The following TLL1 variants were observed in gnomAD, a reference collection of about 807,000 sequenced individuals.
TLL1 encodes the protein tolloid like 1, also known as tolloid-like protein 1.
TLL1 carries 49 observed loss-of-function variants against 128.2 expected under a neutral mutation model. That is an observed-to-expected ratio of 0.38 (90% CI 0.30 to 0.48). TLL1 has a LOEUF of 0.48. Among genes scored for constraint, TLL1 ranks in the 20% least tolerant of loss-of-function variants. The pLI is 0.96. For missense variants in TLL1, 1,123 were observed against 1,242.0 expected (o/e 0.90, Z 1.44); for synonymous variants, 454 against 418.8 (o/e 1.08, Z -1.03).
chr4:165,924,776 G>C (rs532734433), intron 1 of TLL1, among the ~76,000 whole-genome samples: 2 of 152,154 alleles, frequency 1.3e-5, no homozygotes, highest in South Asian at 4.1e-4. Flanking sequence ...GCATGACTTC[G>C]AAGCTTCAAA....
At chr4:166,044,328 A>C (rs1378318244) in intron 12 of TLL1, 1 of 1,526,244 alleles carries the variant, frequency 6.6e-7, no homozygotes, top group Non-Finnish European at 8.8e-7. Context: ...TACTGAGGGC[A>C]GTGACCGTGG....
chr4:165,912,886 A>G (rs1405818989), intron 1 of TLL1, among the ~76,000 whole-genome samples: 1 of 127,974 alleles, frequency 7.8e-6, no homozygotes, highest in East Asian at 3.1e-4. Flanking sequence ...ATCTTACCAT[A>G]GAAAGAAAAA....
At chr4:166,047,366 A>T (rs903383582) in intron 12 of TLL1, among the ~76,000 whole-genome samples, 1 of 151,556 alleles carries the variant, frequency 6.6e-6, no homozygotes, top group South Asian at 2.1e-4. Context: ...GGGTTTCACC[A>T]TGTTAGCCAG....
At chr4:165,947,082 C>T (rs1734284711) in intron 1 of TLL1, among the ~76,000 whole-genome samples, 3 of 152,072 alleles carry the variant, frequency 2.0e-5, no homozygotes, top group African/African-American at 7.2e-5. Context: ...ATTTATTCTT[C>T]ACAGTTCTGG....
intron 9 of TLL1, among the ~76,000 whole-genome samples, chr4:166,029,477 T>C (rs1246667055): frequency 6.6e-6 from 1 of 152,072 alleles, no homozygotes; most frequent in Admixed American, 6.6e-5. Flanking sequence ...ATTTTTGTTA[T>C]TTATTGTGGT....
rs531216999 is a variant in TLL1, at chr4:165,993,278, C to T, written c.361+394C>T. ...TAAAGTAAAATGAAAAACTTATTAC[C>T]GGATTTAAAAAGTTAAAATGTTTTG... On this transcript the variant is annotated intron_variant, in intron 3 of 20. Coordinates refer to ENST00000061240, the MANE Select transcript of TLL1 (RefSeq NM_012464.5). Among the ~76,000 whole-genome samples the T allele has an allele frequency of 1.1e-4, 17 of 150,922 alleles. No homozygotes were observed. The East Asian group carries it at 1.2e-3, about 10-fold the overall frequency.
intron 1 of TLL1, among the ~76,000 whole-genome samples, chr4:165,953,918 T>A (rs555958805): frequency 2.0e-5 from 3 of 152,214 alleles, no homozygotes; most frequent in Admixed American, 6.6e-5. Flanking sequence ...TAATATTTTC[T>A]TATATTTTTA....
At chr4:166,095,566 A>G (rs1308133677) in intron 19 of TLL1, among the ~76,000 whole-genome samples, 1 of 152,122 alleles carries the variant, frequency 6.6e-6, no homozygotes, top group Non-Finnish European at 1.5e-5. Context: ...TGTCAATGAC[A>G]TTCAAAAATA....
chr4:166,099,515 C>A lies in TLL1; in HGVS notation c.2895C>A (p.Phe965Leu), dbSNP rs1490705887. ...CAACAGCTGTGGGGCTTGGTCGATT[C>A]TGTGGATCCGGGGTAAATATACCAC... ...LDSTAVGLGR[F>L]CGSGPPEEIY... is the part of the protein sequence containing the mutation. The change falls in exon 20 of 21, where the codon TTC becomes TTA. Residue 965 changes from phenylalanine to leucine, a missense_variant. Phe to Leu is a conservative substitution (Grantham distance 22). Around this residue, in one of 3 missense-constraint regions of TLL1, gnomAD observed 634 missense variants for 672.4 expected, o/e 0.94. Transcript: ENST00000061240. 1.2e-6 allele frequency: 2 copies of A among 1,612,564 alleles called. No homozygotes were observed. Among genetic ancestry groups the A allele is most frequent in the East Asian group, 2.2e-5 (1 of 44,740 alleles).
chr4:166,052,844 T>C (rs1236515041), intron 12 of TLL1, among the ~76,000 whole-genome samples: 3 of 151,604 alleles, frequency 2.0e-5, no homozygotes, highest in Admixed American at 2.0e-4. Flanking sequence ...ATCTGAGATA[T>C]TATTTTCTGT....
chr4:165,900,575 T>C (rs1285756119), intron 1 of TLL1, among the ~76,000 whole-genome samples: 1 of 152,262 alleles, frequency 6.6e-6, no homozygotes, highest in East Asian at 1.9e-4. Flanking sequence ...TACTCTCTTC[T>C]GGCTTGCAGG....
rs528616323 is a variant in TLL1, at chr4:165,974,527, G to C, written c.170-14854G>C. Among the ~76,000 whole-genome samples the C allele has an allele frequency of 2.6e-5, 4 of 152,000 alleles. No individual in the cohort carries two copies. The East Asian group carries it at 7.7e-4, about 29-fold the overall frequency. On this transcript the variant is annotated intron_variant, in intron 1 of 20. Transcript: ENST00000061240. ...GAAGGTTATCTGGCTTTCACTCATA[G>C]CTTTTAATGATTCATTAATTGTGAC...
At chr4:166,042,854 A>G (rs1437008949) in intron 11 of TLL1, among the ~76,000 whole-genome samples, 1 of 152,198 alleles carries the variant, frequency 6.6e-6, no homozygotes, top group Non-Finnish European at 1.5e-5. Context: ...CGCACATGAC[A>G]CTAACTCGCT....
intron 20 of TLL1, 107 bp downstream of exon 20, chr4:166,099,634 A>G (rs1742200527): frequency 6.1e-6 from 9 of 1,477,760 alleles, no homozygotes; most frequent in Non-Finnish European, 7.4e-6. Context: ...TGCAAAAAAA[A>G]AAAAAAAAGG....
At chr4:166,020,116 C>T (rs1738151904) in intron 8 of TLL1, among the ~76,000 whole-genome samples, 1 of 152,120 alleles carries the variant, frequency 6.6e-6, no homozygotes, top group Admixed American at 6.6e-5. Flanking sequence ...TGCTATAAGA[C>T]ACCCTCATTC....
At chr4:166,076,230 G>A (rs1232278184) in intron 17 of TLL1, among the ~76,000 whole-genome samples, 2 of 152,056 alleles carry the variant, frequency 1.3e-5, no homozygotes, top group African/African-American at 4.8e-5. Context: ...ACACCACCAT[G>A]CCTGGCTAAT....
Position 166,060,036 on chromosome 4 carries a change from G to T in TLL1, c.1855G>T (p.Gly619Cys). 6.2e-7 allele frequency: 1 copy of T among 1,613,584 alleles called. No homozygotes were observed. The highest frequency in any genetic ancestry group is 8.5e-7 in the Non-Finnish European group (1 of 1,179,804). The change falls in exon 15 of 21, where the codon GGT (glycine) becomes TGT (cysteine). Residue 619 changes from glycine (G) to cysteine (C), a missense_variant. Coordinates refer to ENST00000061240, the MANE Select transcript of TLL1 (RefSeq NM_012464.5). The stretch of plus-strand genomic sequence containing the variant: ...CTTTTCTTTTCTTCTAGCTGCTTGT[G>T]GTGGACTTCTTACCAAACTTAACGG... ...PDRRSCEAAC[G>C]GLLTKLNGTI...
At chr4:166,025,599 GA>G (rs1738459387) in intron 9 of TLL1, among the ~76,000 whole-genome samples, 168 bp downstream of exon 9, 1 of 152,036 alleles carries the variant, frequency 6.6e-6, no homozygotes, top group Non-Finnish European at 1.5e-5. Flanking sequence ...GAATTTTTTT[GA>G]AAGATATAAT....
At chr4:166,029,076 A>G (rs1579645233) in intron 9 of TLL1, among the ~76,000 whole-genome samples, 1 of 151,834 alleles carries the variant, frequency 6.6e-6, no homozygotes, top group South Asian at 2.1e-4. Flanking sequence ...TATTGTGACT[A>G]TTGGTGTGTT....
Sources: gnomAD v4.1 joint callset for allele counts (sites outside exome capture counted in the v4.1 genomes callset) on GRCh38, gnomAD v4.1.1 for gene constraint, gnomAD v4.1.1 regional missense constraint, MANE v1.5 for transcripts, NCBI Gene and HGNC (gene_info 2026-07-23, HGNC 2026-07-21) for gene names.